ELOVL1: variants seen among roughly 807,000 people sequenced by gnomAD.
ELOVL1 encodes the protein ELOVL fatty acid elongase 1, also known as very long chain fatty acid elongase 1.
Under a neutral mutation model 37.8 loss-of-function variants are expected in ELOVL1, and 10 were observed. The ratio of observed to expected loss-of-function variants is 0.26; its 90% confidence interval spans 0.16 to 0.45. The LOEUF (loss-of-function observed/expected upper bound fraction) is 0.45, where lower values mean the gene tolerates loss of function less well. ELOVL1 is among the 20% of genes least tolerant of loss of function. ELOVL1 has a pLI of 1.00. For synonymous variants in ELOVL1, 133 were observed against 123.8 expected, an observed-to-expected ratio of 1.07 and a Z score of -0.49; for missense variants, 256 against 352.7, an observed-to-expected ratio of 0.73 and a Z score of 2.20.
rs1342865094 is a variant in ELOVL1, at chr1:43,365,630, A to G, written c.-14-7T>C. The G allele has an allele frequency of 1.1e-5, 18 of 1,613,900 alleles. No individual in the cohort carries two copies. Among genetic ancestry groups the G allele is most frequent in the African/African-American group, 2.7e-5 (2 of 74,866 alleles). On this transcript the variant is annotated splice_region_variant and splice_polypyrimidine_tract_variant and intron_variant, in intron 1 of 7. Coordinates refer to ENST00000372458, the MANE Select transcript of ELOVL1 (RefSeq NM_022821.4). ...TCCATCCTGGCTAAGGACTCTGGGG[A>G]GGTACAGAGGGCGGATGTCAGACAG...
In ELOVL1 at chr1:43,365,199, T is replaced by C. The variant is rs779536615; in HGVS notation, c.224A>G (p.Tyr75Cys). 5.0e-6 allele frequency: 8 copies of C among 1,613,822 alleles called. No individual in the cohort carries two copies. The East Asian group carries it at 1.6e-4, about 31-fold the overall frequency. ...CCAGGGGCCCACCTCATAGACAATG[T>C]AGAGGGAGAGTGCCACCAGTGAGAA... ...YNFSLVALSL[Y>C]IVYEFLMSGW... The change falls in exon 3 of 8, where the codon TAC (tyrosine) becomes TGC (cysteine). Residue 75 changes from tyrosine (Y) to cysteine (C), a missense_variant. Transcript: ENST00000372458.
chr1:43,365,675 T>C (rs1180555609), intron 1 of ELOVL1, 52 bp from the exon 2 acceptor site: 2 of 1,564,070 alleles, frequency 1.3e-6, no homozygotes, highest in African/African-American at 2.7e-5. Flanking sequence ...CACACCCCCA[T>C]CCCACAGAGA....
intron 3 of ELOVL1, 27 bp downstream of exon 3, chr1:43,365,159 T>G (rs1647210577): frequency 6.2e-7 from 1 of 1,610,746 alleles, no homozygotes; most frequent in Non-Finnish European, 8.5e-7. Flanking sequence ...CTGACAGAAA[T>G]TAAAGCCCGG....
chr1:43,364,581 G>A lies in ELOVL1; in HGVS notation c.442C>T (p.Leu148Phe). The change falls in exon 6 of 8, where the codon CTT becomes TTT. Residue 148 changes from leucine (L) to phenylalanine (F), a missense_variant. Coordinates refer to ENST00000372458, the MANE Select transcript of ELOVL1 (RefSeq NM_022821.4). The surrounding 1 kb of genome is among the most constrained non-coding windows in gnomAD (Gnocchi z 5.2). ...ACCCCCCACCACCAGCTCCAGGGAA[G>A]CACAGAGTGATGGAAGACATGTAGG... ...TFLHVFHHSV[L>F]PWSWWWGVKI... 1 of 1,614,136 alleles carries A rather than the reference G, an allele frequency of 6.2e-7. No homozygotes were observed. Among genetic ancestry groups the A allele is most frequent in the Non-Finnish European group, 8.5e-7 (1 of 1,180,036 alleles).
At position 43,365,641 on chromosome 1, in the gene ELOVL1, G is replaced by A. The variant is rs757367991; in HGVS notation, c.-14-18C>T. On this transcript the variant is annotated intron_variant, in intron 1 of 7. Transcript: ENST00000372458. ...TAAGGACTCTGGGGAGGTACAGAGG[G>A]CGGATGTCAGACAGATCCCACTGCA... 22 of 1,613,744 alleles carry A rather than the reference G, an allele frequency of 1.4e-5. No homozygotes were observed. The East Asian group carries it at 4.7e-4, about 34-fold the overall frequency.
At position 43,363,430 on chromosome 1, in the gene ELOVL1, A is replaced by T. The variant is rs988362655; in HGVS notation, c.*486T>A. ...TTCCTCTGTCACTTTTAATTAAGAC[A>T]CAAGTTGAGTAAGCAGCCTCCACAG... On this transcript the variant is annotated 3_prime_UTR_variant, in exon 8 of 8. Coordinates refer to ENST00000372458, the MANE Select transcript of ELOVL1 (RefSeq NM_022821.4). 4 of 445,584 alleles carry T rather than the reference A, an allele frequency of 9.0e-6. No homozygotes were observed. The highest frequency in any genetic ancestry group is 8.5e-5 in the Admixed American group (2 of 23,412). 27.6% of individuals were successfully genotyped at this position (445,584 alleles called of 1,614,324 possible).
chr1:43,365,720 C>G, intron 1 of ELOVL1, 97 bp from the exon 2 acceptor site: 12 of 1,218,326 alleles, frequency 9.8e-6, no homozygotes, highest in Non-Finnish European at 1.3e-5. Flanking sequence ...CCTGCAATGC[C>G]TCATTGCAGA....
intron 3 of ELOVL1, 61 bp from the exon 4 acceptor site, chr1:43,365,069 G>C: frequency 6.3e-7 from 1 of 1,590,974 alleles, no homozygotes; most frequent in Non-Finnish European, 8.6e-7. Context: ...CCTCCCCTTC[G>C]CTAGCTGAGG....
intron 1 of ELOVL1, 79 bp from the exon 2 acceptor site, chr1:43,365,702 A>T (rs1647222326): frequency 1.4e-6 from 2 of 1,384,862 alleles, no homozygotes; most frequent in African/African-American, 1.4e-5. Flanking sequence ...ACAGAACCAG[A>T]CAAGACACCT....
intron 3 of ELOVL1, 54 bp downstream of exon 3, chr1:43,365,132 G>A: frequency 1.2e-6 from 2 of 1,607,364 alleles, no homozygotes; most frequent in South Asian, 1.1e-5. Flanking sequence ...TGGCTCTATG[G>A]CCTGCTCCTT....
chr1:43,366,695 C>T (rs1402172047), intron 1 of ELOVL1: 1 of 152,348 alleles, frequency 6.6e-6, no homozygotes, highest in Non-Finnish European at 1.5e-5. Flanking sequence ...AGAATGGGTA[C>T]AATCACTCTT....
At chr1:43,366,356 G>A (rs1476224768) in intron 1 of ELOVL1, 1 of 154,436 alleles carries the variant, frequency 6.5e-6, no homozygotes, top group Admixed American at 6.4e-5. Flanking sequence ...TCCTGCCCCG[G>A]CGGCTCCACC....
In ELOVL1 at chr1:43,363,773, G is replaced by A. The variant is rs1055148624; in HGVS notation, c.*143C>T. On this transcript the variant is annotated 3_prime_UTR_variant, in exon 8 of 8. Coordinates refer to ENST00000372458, the MANE Select transcript of ELOVL1 (RefSeq NM_022821.4). ...AAGCCGTGGTCCCTGTAGAGCAGCT[G>A]TGGGGAGGGGAGGGCCAGTCCCCTG... 4 of 723,884 alleles carry A rather than the reference G, an allele frequency of 5.5e-6. No individual in the cohort carries two copies. The highest frequency in any genetic ancestry group is 5.3e-5 in the African/African-American group (3 of 56,942). 44.8% of individuals were successfully genotyped at this position (723,884 alleles called of 1,614,324 possible).
chr1:43,365,370 C>T lies in ELOVL1; in HGVS notation c.53G>A (p.Arg18Gln), dbSNP rs1316122205. 5.6e-6 allele frequency: 9 copies of T among 1,611,298 alleles called. No individual in the cohort carries two copies. The highest frequency in any genetic ancestry group is 6.8e-6 in the Non-Finnish European group (8 of 1,178,562). ...YQEVMKHADP[R>Q]IQGYPLMGSP... ...CCCCATCAGAGGGTAGCCCTGGATC[C>T]GGGGATCTATGAATAAGGGTCAAAG... Residue 18 changes from arginine (R) to glutamine (Q), a missense_variant, in exon 3 of 8, where the codon CGG becomes CAG. Transcript: ENST00000372458.
Position 43,364,592 on chromosome 1 carries a change from T to C in ELOVL1, c.431A>G (p.His144Arg). 1 of 1,614,104 alleles carries C rather than the reference T, an allele frequency of 6.2e-7. No individual in the cohort carries two copies. Among genetic ancestry groups the C allele is most frequent in the Non-Finnish European group, 8.5e-7 (1 of 1,180,014 alleles). ...DGQVTFLHVF[H>R]HSVLPWSWWW... ...CCAGCTCCAGGGAAGCACAGAGTGA[T>C]GGAAGACATGTAGGAAGGTCACCTG... The change falls in exon 6 of 8, where the codon CAT becomes CGT. Residue 144 changes from histidine to arginine, a missense_variant. Transcript: ENST00000372458. This position sits in a 1 kb window ranked among gnomAD's most constrained non-coding sequence, Gnocchi z 5.2.
At position 43,363,775 on chromosome 1, in the gene ELOVL1, G is replaced by A; in HGVS notation, c.*141C>T. 1.4e-6 allele frequency: 1 copy of A among 729,400 alleles called. No homozygotes were observed. Among genetic ancestry groups the A allele is most frequent in the Non-Finnish European group, 2.3e-6 (1 of 438,026 alleles). The allele number at this position is 729,400 out of a possible 1,614,324, so 45.2% of individuals were successfully genotyped here. On this transcript the variant is annotated 3_prime_UTR_variant, in exon 8 of 8. Coordinates refer to ENST00000372458, the MANE Select transcript of ELOVL1 (RefSeq NM_022821.4). ...GCCGTGGTCCCTGTAGAGCAGCTGT[G>A]GGGAGGGGAGGGCCAGTCCCCTGCT...
In ELOVL1 at chr1:43,363,725, C is replaced by CG. The variant is rs1339284924; in HGVS notation, c.*190dup. ...ATGAGGCCACATCCCTGGAGCTGCCCGGGGGAAGTGGGTGAGGAACCAAAG... is the reference window on the plus strand; with the variant it reads ...ATGAGGCCACATCCCTGGAGCTGCCCGGGGGGAAGTGGGTGAGGAACCAAAG... On this transcript the variant is annotated 3_prime_UTR_variant, in exon 8 of 8. Transcript: ENST00000372458. 10 of 601,326 alleles carry CG rather than the reference C, an allele frequency of 1.7e-5. No individual in the cohort carries two copies. Among genetic ancestry groups the CG allele is most frequent in the African/African-American group, 3.7e-5 (2 of 53,868 alleles). The allele number at this position is 601,326 out of a possible 1,614,324, so 37.2% of individuals were successfully genotyped here.
intron 3 of ELOVL1, 27 bp from the exon 4 acceptor site, chr1:43,365,035 C>A: frequency 6.2e-7 from 1 of 1,605,604 alleles, no homozygotes; most frequent in South Asian, 1.1e-5. Context: ...ATTAGACCAC[C>A]AGAGTTCTCC....
intron 1 of ELOVL1, chr1:43,367,268 C>G (rs1486513362): frequency 6.6e-6 from 1 of 152,566 alleles, no homozygotes; most frequent in East Asian, 1.9e-4. Context: ...GGCACACGCA[C>G]GGGCTCACCC....
Sources: gnomAD v4.1 joint callset for allele counts on GRCh38, gnomAD v4.1.1 for gene constraint, Gnocchi (gnomAD v3.1) non-coding constraint, MANE v1.5 for transcripts, NCBI Gene and HGNC (gene_info 2026-07-23, HGNC 2026-07-21) for gene names.